PTPN3: variants seen among roughly 807,000 people sequenced by gnomAD.
PTPN3 encodes the protein protein tyrosine phosphatase non-receptor type 3.
Under a neutral mutation model 132.7 loss-of-function variants are expected in PTPN3, and 96 were observed. The ratio of observed to expected loss-of-function variants is 0.72; its 90% CI spans 0.61 to 0.86. PTPN3 has a LOEUF of 0.86. Ranked by LOEUF, PTPN3 falls within the 40% of genes least tolerant of loss-of-function variation. PTPN3 has a pLI of 0.00. For missense variants in PTPN3, 1,125 were observed against 1,159.6 expected (o/e 0.97, Z 0.43); for synonymous variants, 398 against 429.0 (o/e 0.93, Z 0.89).
chr9:109,429,854 G>T (rs1436854157), intron 10 of PTPN3, among the ~76,000 whole-genome samples: 1 of 152,182 alleles, frequency 6.6e-6, no homozygotes, highest in Non-Finnish European at 1.5e-5. Context: ...ATACTTTGGG[G>T]AAATGAAGGA....
chr9:109,389,797 A>G (rs953006230), intron 21 of PTPN3, among the ~76,000 whole-genome samples: 2 of 152,256 alleles, frequency 1.3e-5, no homozygotes, highest in African/African-American at 4.8e-5. Flanking sequence ...TAAACCTTAC[A>G]GGTTTACACC....
Position 109,376,707 on chromosome 9 carries a change from G to A in PTPN3, c.*2849C>T, listed in dbSNP as rs555957653. 4 of 152,314 alleles carry A rather than the reference G, an allele frequency of 2.6e-5. No homozygotes were observed. The highest frequency in any genetic ancestry group is 9.6e-5 in the African/African-American group (4 of 41,574). The allele number at this position is 152,314 out of a possible 1,614,324, so 9.4% of individuals were successfully genotyped here. A position where few individuals can be genotyped will look rare whatever the true frequency, so the allele number is the denominator to read the frequency against. On this transcript the variant is annotated 3_prime_UTR_variant, in exon 26 of 26. Coordinates refer to ENST00000374541, the MANE Select transcript of PTPN3 (RefSeq NM_002829.4). ...AAATACTTATCCTGATTCTGATGTA[G>A]TTCTTCACTTAGGACTAAAAAAAGG...
chr9:109,397,028 G>A (rs1840662950), intron 19 of PTPN3, among the ~76,000 whole-genome samples: 3 of 152,084 alleles, frequency 2.0e-5, no homozygotes, highest in Non-Finnish European at 4.4e-5. Flanking sequence ...GGGAATTCCT[G>A]AAGGCTGAGA....
At chr9:109,464,736 T>C (rs951992369) in intron 1 of PTPN3, among the ~76,000 whole-genome samples, 1 of 152,222 alleles carries the variant, frequency 6.6e-6, no homozygotes, top group Non-Finnish European at 1.5e-5. Flanking sequence ...CATATACTAC[T>C]ATACAGCAAA....
At chr9:109,410,439 T>C in intron 14 of PTPN3, 24 bp from the exon 15 acceptor site, 2 of 1,608,756 alleles carry the variant, frequency 1.2e-6, no homozygotes, top group South Asian at 2.2e-5. Context: ...AAGGAGGAGA[T>C]ATTAATAACT....
At position 109,457,350 on chromosome 9, in the gene PTPN3, C is replaced by G. The variant is rs1014250582; in HGVS notation, c.188G>C (p.Gly63Ala). 1 of 1,614,166 alleles carries G rather than the reference C, an allele frequency of 6.2e-7. No individual in the cohort carries two copies. Among genetic ancestry groups the G allele is most frequent in the Non-Finnish European group, 8.5e-7 (1 of 1,180,038 alleles). Residue 63 changes from glycine to alanine, a missense_variant, in exon 3 of 26, where the codon GGT becomes GCT. Coordinates refer to ENST00000374541, the MANE Select transcript of PTPN3 (RefSeq NM_002829.4). Reference sequence around the variant, plus strand: ...ACCAAAATATTCCTTTTCAGTCACACCCAGGTGGTTGTGCACCATATCCAG... The same window carrying G: ...ACCAAAATATTCCTTTTCAGTCACAGCCAGGTGGTTGTGCACCATATCCAG... ...VLLDMVHNHL[G>A]VTEKEYFGLQ...
the PTPN3 span, among the ~76,000 whole-genome samples, chr9:109,513,123 C>T: frequency 6.6e-6 from 1 of 152,256 alleles, no homozygotes; most frequent in Non-Finnish European, 1.5e-5. Flanking sequence ...ATTCTCCCAC[C>T]TCAGACTCCT....
intron 1 of PTPN3, among the ~76,000 whole-genome samples, chr9:109,497,746 T>C (rs1847736276): frequency 6.6e-6 from 1 of 152,104 alleles, no homozygotes; most frequent in Non-Finnish European, 1.5e-5. Flanking sequence ...AAATGCCATC[T>C]TTGAAAGCCG....
intron 12 of PTPN3, among the ~76,000 whole-genome samples, chr9:109,425,633 C>T (rs1422280297): frequency 6.6e-6 from 1 of 151,566 alleles, no homozygotes; most frequent in African/African-American, 2.4e-5. Flanking sequence ...ATTACTTGAA[C>T]CCAGGAGACA....
intron 1 of PTPN3, among the ~76,000 whole-genome samples, chr9:109,479,486 G>T (rs1252675006): frequency 6.6e-6 from 1 of 152,210 alleles, no homozygotes; most frequent in African/African-American, 2.4e-5. Context: ...TATCATTTCA[G>T]CATACAAGTA....
chr9:109,459,560 T>C (rs1156761269), intron 2 of PTPN3, among the ~76,000 whole-genome samples: 2 of 152,186 alleles, frequency 1.3e-5, no homozygotes, highest in Non-Finnish European at 2.9e-5. Context: ...AAGACTTTTT[T>C]ATTTTTTTAG....
chr9:109,401,324 G>C (rs776370952), intron 19 of PTPN3, among the ~76,000 whole-genome samples: 7 of 152,216 alleles, frequency 4.6e-5, no homozygotes, highest in Non-Finnish European at 8.8e-5. Context: ...AAAAGTATCA[G>C]TATCTAGGTC....
intron 9 of PTPN3, among the ~76,000 whole-genome samples, chr9:109,434,475 T>G (rs1162818226): frequency 6.6e-6 from 1 of 151,780 alleles, no homozygotes; most frequent in Non-Finnish European, 1.5e-5. Context: ...GCCCAGCTAA[T>G]TTTTCATATT....
intron 7 of PTPN3, among the ~76,000 whole-genome samples, chr9:109,443,030 G>A (rs1190220648): frequency 1.3e-5 from 2 of 151,236 alleles, no homozygotes; most frequent in Non-Finnish European, 2.9e-5. Context: ...AGAAAACCAA[G>A]ATTAGGAGAG....
chr9:109,457,360 T>C lies in PTPN3; in HGVS notation c.178A>G (p.Asn60Asp). ...TGQVLLDMVH[N>D]HLGVTEKEYF... is the part of the protein sequence containing the mutation. ...TCCTTTTCAGTCACACCCAGGTGGTTGTGCACCATATCCAGAAGAACCTGG... is the reference window on the plus strand; with the variant it reads ...TCCTTTTCAGTCACACCCAGGTGGTCGTGCACCATATCCAGAAGAACCTGG... The change falls in exon 3 of 26, where the codon AAC (asparagine) becomes GAC (aspartate). Residue 60 changes from asparagine to aspartate, a missense_variant. Coordinates refer to ENST00000374541, the MANE Select transcript of PTPN3 (RefSeq NM_002829.4). 6.2e-7 allele frequency: 1 copy of C among 1,614,206 alleles called. No homozygotes were observed. The highest frequency in any genetic ancestry group is 8.5e-7 in the Non-Finnish European group (1 of 1,180,042).
chr9:109,531,119 G>A, the PTPN3 span, among the ~76,000 whole-genome samples: 1 of 152,112 alleles, frequency 6.6e-6, no homozygotes, highest in African/African-American at 2.4e-5. Context: ...TGCCTTTTAT[G>A]TCTTATCCAA....
chr9:109,497,042 C>A (rs949790242), intron 1 of PTPN3, among the ~76,000 whole-genome samples: 1 of 152,178 alleles, frequency 6.6e-6, no homozygotes, highest in African/African-American at 2.4e-5. Context: ...GTGAAGCCAA[C>A]TGCCAACTTC....
chr9:109,533,882 C>T, the PTPN3 span: 1 of 763,060 alleles, frequency 1.3e-6, no homozygotes, highest in Non-Finnish European at 2.4e-6. Flanking sequence ...ACCCCTACGA[C>T]GTGGATAGCA....
At chr9:109,404,341 C>A in intron 19 of PTPN3, 107 bp downstream of exon 19, 1 of 863,146 alleles carries the variant, frequency 1.2e-6, no homozygotes, top group Non-Finnish European at 1.6e-6. Context: ...TCATCTCGAC[C>A]AAGGAAACAA....
Sources: gnomAD v4.1 joint callset for allele counts (sites outside exome capture counted in the v4.1 genomes callset) on GRCh38, gnomAD v4.1.1 for gene constraint, MANE v1.5 for transcripts, NCBI Gene and HGNC (gene_info 2026-07-23, HGNC 2026-07-21) for gene names.